ARHGAP22: variants seen among roughly 807,000 people sequenced by gnomAD.
The protein encoded by ARHGAP22 is Rho GTPase activating protein 22.
In ARHGAP22, 48 loss-of-function variants were observed where a neutral mutation model predicts 59.1. That is an observed-to-expected ratio of 0.81 (90% CI 0.64 to 1.03). The LOEUF is 1.03. Ranked by LOEUF, ARHGAP22 falls within the 50% of genes least tolerant of loss-of-function variation. ARHGAP22 has a pLI of 0.00. For missense variants in ARHGAP22, 1,015 were observed against 958.7 expected (o/e 1.06, Z -0.78); for synonymous variants, 445 against 416.4 (o/e 1.07, Z -0.84).
Position 48,570,827 on chromosome 10 carries a change from A to G in ARHGAP22, c.234+12126T>C, listed in dbSNP as rs529361812. 2.0e-5 allele frequency among the ~76,000 whole-genome samples: 3 copies of G among 152,238 alleles called. No homozygotes were observed. In the East Asian group the frequency reaches 5.8e-4, roughly 29 times the overall value. On this transcript the variant is annotated intron_variant, in intron 2 of 9. Coordinates refer to ENST00000249601, the MANE Select transcript of ARHGAP22 (RefSeq NM_021226.4). ...TGCCACCAACTGTGTCTCCCCAGAG[A>G]CCTTCACCTGGCCCAATAGTGGAGC...
chr10:48,478,627 C>G (rs138514385), intron 4 of ARHGAP22, among the ~76,000 whole-genome samples: 1 of 152,214 alleles, frequency 6.6e-6, no homozygotes, highest in African/African-American at 2.4e-5. Context: ...AGCAGGGAGT[C>G]GGTGGCCCTG....
intron 4 of ARHGAP22, among the ~76,000 whole-genome samples, chr10:48,460,206 C>T (rs1168726567): frequency 2.0e-5 from 3 of 152,142 alleles, no homozygotes; most frequent in Admixed American, 2.0e-4. Context: ...GTTCATTATG[C>T]CTGTCATTGA....
In ARHGAP22 at chr10:48,583,703, C is replaced by A. The variant is rs183499778; in HGVS notation, c.35-551G>T. Among the ~76,000 whole-genome samples the A allele has an allele frequency of 1.2e-4, 19 of 152,318 alleles. No individual in the cohort carries two copies. The East Asian group carries it at 2.5e-3, about 20-fold the overall frequency. On this transcript the variant is annotated intron_variant, in intron 1 of 9. Coordinates refer to ENST00000249601, the MANE Select transcript of ARHGAP22 (RefSeq NM_021226.4). ...CAGGTCCAGAAGGAACTGGCCCCAC[C>A]CAGATCTGGTTTCTGCTTAGCCCCT...
chr10:48,655,060 C>CT (rs1589359263), upstream of ARHGAP22, among the ~76,000 whole-genome samples: 23 of 15,732 alleles, frequency 1.5e-3, no homozygotes, highest in Non-Finnish European at 2.3e-3. Flanking sequence ...CTTTCTCCTT[C>CT]CTTCCCTCCT....
intron 3 of ARHGAP22, among the ~76,000 whole-genome samples, chr10:48,494,408 G>A (rs987521878): frequency 6.6e-6 from 1 of 152,182 alleles, no homozygotes; most frequent in Non-Finnish European, 1.5e-5. Context: ...GTGGTTTCAG[G>A]AGCTCACACC....
chr10:48,654,773 A>T (rs80332538), upstream of ARHGAP22, among the ~76,000 whole-genome samples: 14,046 of 111,900 alleles, frequency 0.13, 921 homozygotes, highest in Non-Finnish European at 0.16. Context: ...CATGCTGATT[A>T]CTTTCTTTCT....
chr10:48,583,642 T>C lies in ARHGAP22; in HGVS notation c.35-490A>G, dbSNP rs191722135. On this transcript the variant is annotated intron_variant, in intron 1 of 9. Transcript: ENST00000249601. ...AAAAAACAGATAAACATCTGGATCCTCCTGGAGCTCACAGTCTAGCAGGGT... is the reference window on the plus strand; with the variant it reads ...AAAAAACAGATAAACATCTGGATCCCCCTGGAGCTCACAGTCTAGCAGGGT... Among the ~76,000 whole-genome samples the C allele has an allele frequency of 6.4e-4, 97 of 152,342 alleles. No homozygotes were observed. In the East Asian group the frequency reaches 9.8e-3, roughly 15 times the overall value.
intron 9 of ARHGAP22, among the ~76,000 whole-genome samples, chr10:48,447,297 C>T (rs570860406): frequency 6.6e-6 from 1 of 152,314 alleles, no homozygotes; most frequent in East Asian, 1.9e-4. Context: ...TCTGTCTTTC[C>T]GAAGGGACAC....
At chr10:48,433,873 C>T in the ARHGAP22 span, among the ~76,000 whole-genome samples, 1 of 152,196 alleles carries the variant, frequency 6.6e-6, no homozygotes, top group Admixed American at 6.5e-5. Context: ...AAATTCTGCT[C>T]AGTGTTCCAT....
chr10:48,489,766 C>T (rs745878964), intron 3 of ARHGAP22, among the ~76,000 whole-genome samples: 2 of 140,738 alleles, frequency 1.4e-5, no homozygotes, highest in Admixed American at 7.3e-5. Flanking sequence ...CGGAGTCTCA[C>T]ACTGTAGCCC....
intron 5 of ARHGAP22, among the ~76,000 whole-genome samples, chr10:48,458,418 T>C (rs1464274004): frequency 6.6e-6 from 1 of 151,974 alleles, no homozygotes; most frequent in East Asian, 1.9e-4. Context: ...AACCACACCT[T>C]GGGAGAGCAG....
chr10:48,581,085 C>A (rs767270950), intron 2 of ARHGAP22, among the ~76,000 whole-genome samples: 2 of 152,144 alleles, frequency 1.3e-5, no homozygotes, highest in African/African-American at 2.4e-5. Context: ...ATGTACTCTG[C>A]CTTCCCCCAA....
At position 48,576,117 on chromosome 10, in the gene ARHGAP22, T is replaced by C. The variant is rs946092357; in HGVS notation, c.234+6836A>G. On this transcript the variant is annotated intron_variant, in intron 2 of 9. Coordinates refer to ENST00000249601, the MANE Select transcript of ARHGAP22 (RefSeq NM_021226.4). ...CACATCTGCATTTTGTGTTCCTGCC[T>C]GTAGGATGAGCATCCTATGCCCTAC... Among the ~76,000 whole-genome samples, 14 of 152,242 alleles carry C rather than the reference T, an allele frequency of 9.2e-5. No homozygotes were observed. The South Asian group carries it at 2.7e-3, about 29-fold the overall frequency.
At chr10:48,430,896 C>A in the ARHGAP22 span, 1 of 406,730 alleles carries the variant, frequency 2.5e-6, no homozygotes, top group East Asian at 5.7e-5. Flanking sequence ...TGCTGTAGCA[C>A]AAGTTGCTGG....
At chr10:48,531,372 G>A (rs1470962888) in intron 3 of ARHGAP22, among the ~76,000 whole-genome samples, 1 of 152,158 alleles carries the variant, frequency 6.6e-6, no homozygotes, top group Non-Finnish European at 1.5e-5. Flanking sequence ...ACCACTAAAG[G>A]ACTTATTCAT....
At chr10:48,647,228 T>C (rs1204017137) in intron 1 of ARHGAP22, among the ~76,000 whole-genome samples, 1 of 151,990 alleles carries the variant, frequency 6.6e-6, no homozygotes, top group African/African-American at 2.4e-5. Context: ...ACCCTGTCTC[T>C]ACTAAAAAGA....
At chr10:48,566,838 C>T (rs958306972) in intron 2 of ARHGAP22, among the ~76,000 whole-genome samples, 2 of 152,352 alleles carry the variant, frequency 1.3e-5, no homozygotes, top group Non-Finnish European at 2.9e-5. Context: ...CCCTCCCTAT[C>T]CCTCCCAACT....
In ARHGAP22 at chr10:48,518,297, C is replaced by T. The variant is rs541652894; in HGVS notation, c.322+37166G>A. 3.3e-5 allele frequency among the ~76,000 whole-genome samples: 5 copies of T among 152,330 alleles called. No individual in the cohort carries two copies. The South Asian group carries it at 6.2e-4, about 19-fold the overall frequency. ...CATGAGGGCTGCCACCTCGCCTGGC[C>T]TCTGCCAGCCTTCCCAGCAGCAAGC... On this transcript the variant is annotated intron_variant, in intron 3 of 9. Transcript: ENST00000249601.
intron 1 of ARHGAP22, among the ~76,000 whole-genome samples, chr10:48,617,801 C>T (rs963064532): frequency 2.0e-5 from 3 of 151,812 alleles, no homozygotes; most frequent in Non-Finnish European, 2.9e-5. Context: ...AAGAACAAAC[C>T]AAACCCCAAA....
Sources: gnomAD v4.1 joint callset for allele counts (sites outside exome capture counted in the v4.1 genomes callset) on GRCh38, gnomAD v4.1.1 for gene constraint, MANE v1.5 for transcripts, NCBI Gene and HGNC (gene_info 2026-07-23, HGNC 2026-07-21) for gene names.